DYNLL2: variants seen among roughly 807,000 people sequenced by gnomAD.
DYNLL2 encodes the protein dynein light chain LC8-type 2, also known as dynein light chain 2, cytoplasmic.
A neutral mutation model predicts 9.7 loss-of-function variants in DYNLL2; 1 was observed. The ratio of observed to expected loss-of-function variants is 0.10; its 90% CI spans 0.04 to 0.49. DYNLL2 has a LOEUF of 0.49. Among genes scored for constraint, DYNLL2 ranks in the 20% least tolerant of loss-of-function variants. The pLI is 0.95. For missense variants in DYNLL2, 37 were observed against 115.2 expected, an observed-to-expected ratio of 0.32 and a Z score of 3.11; for synonymous variants, 35 against 40.5, an observed-to-expected ratio of 0.86 and a Z score of 0.52.
chr17:58,084,332 C>T lies in DYNLL2; in HGVS notation c.-10+649C>T, dbSNP rs114044299. 1.9e-3 allele frequency among the ~76,000 whole-genome samples: 295 copies of T among 151,768 alleles called. 1 individual carries two copies. Among genetic ancestry groups the T allele is most frequent in the African/African-American group, 7.0e-3 (288 of 41,422 alleles). On this transcript the variant is annotated intron_variant, in intron 1 of 2. Transcript: ENST00000579991. ...GGAAGTAGAAGTGTGTGTGTATTGG[C>T]GGGTGGGGATGGTGGTCCGTGTCAT...
In DYNLL2 at chr17:58,089,186, C is replaced by G; in HGVS notation, c.177C>G (p.Gly59=). The G allele has an allele frequency of 6.2e-7, 1 of 1,614,004 alleles. No homozygotes were observed. The highest frequency in any genetic ancestry group is 8.5e-7 in the Non-Finnish European group (1 of 1,179,972). ...ACCCTACCTGGCATTGTATCGTGGG[C>G]CGAAATTTTGGCAGCTACGTCACAC... The part of the protein sequence containing the change: ...KYNPTWHCIV[G]RNFGSYVTHE... Residue 59 remains glycine, a synonymous_variant, in exon 3 of 3, where the codon GGC becomes GGG. Coordinates refer to ENST00000579991, the MANE Select transcript of DYNLL2 (RefSeq NM_080677.3).
chr17:58,092,161 A>G lies in DYNLL2; in HGVS notation c.*2882A>G, dbSNP rs1050131858. On this transcript the variant is annotated 3_prime_UTR_variant, in exon 3 of 3. Transcript: ENST00000579991. ...TCTACCTCTGGGGCAGTGAGGTCCT[A>G]AGGGATTAAGTTGAGAGACTCTAGA... 6.6e-6 allele frequency: 1 copy of G among 152,208 alleles called. No homozygotes were observed. The allele number at this position is 152,208 out of a possible 1,614,324, so 9.4% of individuals were successfully genotyped here.
rs998310927 is a variant in DYNLL2 at position 58,093,929 on chromosome 17, A to C, written c.*4650A>C. 6.6e-6 allele frequency: 1 copy of C among 152,146 alleles called. No homozygotes were observed. The highest frequency in any genetic ancestry group is 1.5e-5 in the Non-Finnish European group (1 of 68,046). The allele number at this position is 152,146 out of a possible 1,614,324, so 9.4% of individuals were successfully genotyped here. ...TGTATGTGGGCTTGGTGTCCACATC[A>C]ATGTGCGTGAATACTCCTACCCACA... is the stretch of plus-strand genomic sequence containing the variant. On this transcript the variant is annotated 3_prime_UTR_variant, in exon 3 of 3. Transcript: ENST00000579991.
At chr17:58,085,350 C>A (rs918528610) in intron 1 of DYNLL2, among the ~76,000 whole-genome samples, 3 of 152,176 alleles carry the variant, frequency 2.0e-5, no homozygotes, top group East Asian at 3.8e-4. Flanking sequence ...CCCTTTCAGC[C>A]ATCTAGCCCA....
chr17:58,085,945 C>A (rs190155749), intron 1 of DYNLL2, among the ~76,000 whole-genome samples: 88 of 152,222 alleles, frequency 5.8e-4, no homozygotes, highest in South Asian at 6.2e-4. Context: ...GAGGAAGCAA[C>A]GCACCAAAGA....
chr17:58,094,160 G>C lies in DYNLL2; in HGVS notation c.*4881G>C, dbSNP rs915473822. The C allele has an allele frequency of 2.0e-5, 3 of 152,166 alleles. No homozygotes were observed. Among genetic ancestry groups the C allele is most frequent in the African/African-American group, 7.2e-5 (3 of 41,438 alleles). 9.4% of individuals were successfully genotyped at this position (152,166 alleles called of 1,614,324 possible). On this transcript the variant is annotated 3_prime_UTR_variant, in exon 3 of 3. Coordinates refer to ENST00000579991, the MANE Select transcript of DYNLL2 (RefSeq NM_080677.3). The stretch of plus-strand genomic sequence containing the variant: ...GGTAGTGTAGGCAGAACAAGATCTA[G>C]AATCAGAAGACCTGGAGTCGAATCT...
rs1034868911 is a variant in DYNLL2, at chr17:58,094,960, G to A, written c.*5681G>A. The A allele has an allele frequency of 6.6e-6, 1 of 152,138 alleles. No homozygotes were observed. The highest frequency in any genetic ancestry group is 2.4e-5 in the African/African-American group (1 of 41,418). 9.4% of individuals were successfully genotyped at this position (152,138 alleles called of 1,614,324 possible). A position where few individuals can be genotyped will look rare whatever the true frequency, so the allele number is the denominator to read the frequency against. Reference sequence around the variant, plus strand: ...TTGTTCCTTTTTCTAGCTGAGTAACGTGTGGGTATATCACATTTTGTTTAT... The same window carrying A: ...TTGTTCCTTTTTCTAGCTGAGTAACATGTGGGTATATCACATTTTGTTTAT... On this transcript the variant is annotated 3_prime_UTR_variant, in exon 3 of 3. Transcript: ENST00000579991.
chr17:58,086,684 C>T (rs1009258976), intron 1 of DYNLL2, among the ~76,000 whole-genome samples: 21 of 152,182 alleles, frequency 1.4e-4, no homozygotes, highest in African/African-American at 4.6e-4. Flanking sequence ...GGTTTATTCT[C>T]AGGACAACCC....
At chr17:58,086,113 A>T (rs1362469351) in intron 1 of DYNLL2, among the ~76,000 whole-genome samples, 1 of 152,178 alleles carries the variant, frequency 6.6e-6, no homozygotes, top group East Asian at 1.9e-4. Flanking sequence ...GCCAAGTCTG[A>T]GGTTGCCTTC....
intron 2 of DYNLL2, among the ~76,000 whole-genome samples, chr17:58,088,095 T>C (rs1345095732): frequency 5.2e-4 from 1 of 1,910 alleles, no homozygotes; most frequent in Non-Finnish European, 9.6e-4. Flanking sequence ...TGAGGGACTT[T>C]TTTGGGTGTG....
At position 58,091,349 on chromosome 17, in the gene DYNLL2, C is replaced by G. The variant is rs1353485113; in HGVS notation, c.*2070C>G. On this transcript the variant is annotated 3_prime_UTR_variant, in exon 3 of 3. Transcript: ENST00000579991. ...TGGGGACTGAAGGGAAGACCAGCCA[C>G]TAGATACTGATTGGCCTGTAGCAGC... is the stretch of plus-strand genomic sequence containing the variant. 3 of 152,152 alleles carry G rather than the reference C, an allele frequency of 2.0e-5. No individual in the cohort carries two copies. The highest frequency in any genetic ancestry group is 7.3e-5 in the African/African-American group (3 of 41,316). 9.4% of individuals were successfully genotyped at this position (152,152 alleles called of 1,614,324 possible). A position where few individuals can be genotyped will look rare whatever the true frequency, so the allele number is the denominator to read the frequency against.
rs2075785153 is a variant in DYNLL2, at chr17:58,092,816, A to C, written c.*3537A>C. The C allele has an allele frequency of 1.3e-5, 2 of 152,212 alleles. No individual in the cohort carries two copies. Among genetic ancestry groups the C allele is most frequent in the African/African-American group, 2.4e-5 (1 of 41,456 alleles). The allele number at this position is 152,212 out of a possible 1,614,324, so 9.4% of individuals were successfully genotyped here. A position where few individuals can be genotyped will look rare whatever the true frequency, so the allele number is the denominator to read the frequency against. Reference sequence around the variant, plus strand: ...TGTCGATCTCTGTTCCCTGAACTCTAGTGTCCTCCAGACTAGATTTAAGGT... The same window carrying C: ...TGTCGATCTCTGTTCCCTGAACTCTCGTGTCCTCCAGACTAGATTTAAGGT... On this transcript the variant is annotated 3_prime_UTR_variant, in exon 3 of 3. Transcript: ENST00000579991.
At chr17:58,085,099 C>T (rs921833152) in intron 1 of DYNLL2, among the ~76,000 whole-genome samples, 3 of 152,206 alleles carry the variant, frequency 2.0e-5, no homozygotes, top group African/African-American at 7.2e-5. Flanking sequence ...CCACATGGTG[C>T]TCACAGACTC....
chr17:58,089,132 T>A lies in DYNLL2; in HGVS notation c.133-10T>A. ...AATTACCTTTCTTCTCTACCTTTGT[T>A]CTTTTTTAGGAATTTGACAAGAAAT... On this transcript the variant is annotated splice_polypyrimidine_tract_variant and intron_variant, in intron 2 of 2. Coordinates refer to ENST00000579991, the MANE Select transcript of DYNLL2 (RefSeq NM_080677.3). 6.2e-7 allele frequency: 1 copy of A among 1,614,092 alleles called. No individual in the cohort carries two copies. The highest frequency in any genetic ancestry group is 8.5e-7 in the Non-Finnish European group (1 of 1,180,008).
intron 2 of DYNLL2, among the ~76,000 whole-genome samples, chr17:58,088,121 A>C (rs1173824488): frequency 6.6e-6 from 1 of 151,966 alleles, no homozygotes; most frequent in Non-Finnish European, 1.5e-5. Flanking sequence ...AGGGTGGCAG[A>C]GCTATTTGGG....
chr17:58,093,223 T>A lies in DYNLL2; in HGVS notation c.*3944T>A, dbSNP rs1362025946. Reference sequence around the variant, plus strand: ...CCTTGCCTTTTCTGAAGAGAATGGCTGCCTTAGGCACGGCTCTCCTTGCTG... The same window carrying A: ...CCTTGCCTTTTCTGAAGAGAATGGCAGCCTTAGGCACGGCTCTCCTTGCTG... On this transcript the variant is annotated 3_prime_UTR_variant, in exon 3 of 3. Coordinates refer to ENST00000579991, the MANE Select transcript of DYNLL2 (RefSeq NM_080677.3). The A allele has an allele frequency of 6.6e-6, 1 of 152,230 alleles. No individual in the cohort carries two copies. Among genetic ancestry groups the A allele is most frequent in the East Asian group, 1.9e-4 (1 of 5,186 alleles). 9.4% of individuals were successfully genotyped at this position (152,230 alleles called of 1,614,324 possible). A position where few individuals can be genotyped will look rare whatever the true frequency, so the allele number is the denominator to read the frequency against.
In DYNLL2 at chr17:58,087,943, C is replaced by T. The variant is rs551323893; in HGVS notation, c.132+721C>T. 4.7e-3 allele frequency among the ~76,000 whole-genome samples: 713 copies of T among 152,296 alleles called. 8 individuals carry two copies. The highest frequency in any genetic ancestry group is 0.016 in the African/African-American group (682 of 41,548). ...AGGCATAGTCCCAGCATTTGATATT[C>T]TCAGCTCTGGCATCCCAAGAACATG... On this transcript the variant is annotated intron_variant, in intron 2 of 2. Coordinates refer to ENST00000579991, the MANE Select transcript of DYNLL2 (RefSeq NM_080677.3).
Position 58,089,337 on chromosome 17 carries a change from T to TG in DYNLL2, c.*61dup. 1 of 1,598,480 alleles carries TG rather than the reference T, an allele frequency of 6.3e-7. No homozygotes were observed. ...AGCGATGGCAAGCAGGCGGCGTTGC[T>TG]GGGACTGTTTTGCACTGGAGCCAGC... On this transcript the variant is annotated 3_prime_UTR_variant, in exon 3 of 3. Transcript: ENST00000579991.
rs1464558698 is a variant in DYNLL2, at chr17:58,089,850, G to GGGATGCCT, written c.*572_*579dup. 1 of 398,636 alleles carries GGGATGCCT rather than the reference G, an allele frequency of 2.5e-6. No individual in the cohort carries two copies. The highest frequency in any genetic ancestry group is 4.4e-6 in the Non-Finnish European group (1 of 226,274). The allele number at this position is 398,636 out of a possible 1,614,324, so 24.7% of individuals were successfully genotyped here. On this transcript the variant is annotated 3_prime_UTR_variant, in exon 3 of 3. Coordinates refer to ENST00000579991, the MANE Select transcript of DYNLL2 (RefSeq NM_080677.3). ...ATGGCTTGGGGCGGAGGGTGGGGTGGGGATGCCTTCTTTAGGGGCCCTGAG... is the reference window on the plus strand; with the variant it reads ...ATGGCTTGGGGCGGAGGGTGGGGTGGGGATGCCTGGATGCCTTCTTTAGGGGCCCTGAG...
Sources: allele counts gnomAD v4.1 joint callset (sites outside exome capture counted in the v4.1 genomes callset), GRCh38; gene constraint gnomAD v4.1.1; transcripts MANE v1.5; gene names NCBI Gene and HGNC (gene_info 2026-07-23, HGNC 2026-07-21).